FBXW10B: variants seen among roughly 807,000 people sequenced by gnomAD.
FBXW10B encodes F-box and WD repeat domain containing protein 10B.
the FBXW10B span, among the ~76,000 whole-genome samples, chr17:15,602,918 C>T: frequency 0.036 from 4,203 of 116,430 alleles, 681 homozygotes; most frequent in Non-Finnish European, 0.045. Context: ...TGAGCCACCG[C>T]GCCCGGCGAG....
the FBXW10B span, among the ~76,000 whole-genome samples, chr17:15,616,459 T>C: frequency 1.3e-5 from 2 of 151,762 alleles, no homozygotes; most frequent in African/African-American, 4.8e-5. Context: ...CGTGAGCCAC[T>C]GCGCCCAACC....
At chr17:15,613,785 G>A in the FBXW10B span, 4 of 1,612,134 alleles carry the variant, frequency 2.5e-6, no homozygotes, top group African/African-American at 1.3e-5. Flanking sequence ...CCAGAACTGG[G>A]CCAAGAGGGG....
At chr17:15,580,764 T>G in the FBXW10B span, among the ~76,000 whole-genome samples, 1 of 151,224 alleles carries the variant, frequency 6.6e-6, no homozygotes, top group Admixed American at 6.6e-5. Context: ...TAGACTAAAC[T>G]CTTGCTGTTT....
At chr17:15,593,365 C>G in the FBXW10B span, 4 of 1,614,048 alleles carry the variant, frequency 2.5e-6, no homozygotes, top group Non-Finnish European at 3.4e-6. Flanking sequence ...AAGGACAGCA[C>G]AGGATCGCCT....
chr17:15,619,112 G>A, the FBXW10B span: 11 of 1,613,790 alleles, frequency 6.8e-6, no homozygotes, highest in Admixed American at 3.3e-5. Context: ...AGTATAATTC[G>A]CCTTGGTCCA....
At chr17:15,602,540 C>T in the FBXW10B span, among the ~76,000 whole-genome samples, 8 of 143,944 alleles carry the variant, frequency 5.6e-5, no homozygotes, top group Non-Finnish European at 1.2e-4. Flanking sequence ...AGGGAAGAAT[C>T]ACAGAAATGA....
At chr17:15,600,382 C>A in the FBXW10B span, among the ~76,000 whole-genome samples, 3 of 147,232 alleles carry the variant, frequency 2.0e-5, no homozygotes, top group African/African-American at 5.1e-5. Flanking sequence ...TCAGAGCCTA[C>A]AATGCAGCCA....
the FBXW10B span, among the ~76,000 whole-genome samples, chr17:15,617,773 G>A: frequency 6.6e-6 from 1 of 152,194 alleles, no homozygotes; most frequent in African/African-American, 2.4e-5. Context: ...ACCAGAAAGA[G>A]ATGCTGGTGC....
chr17:15,574,327 A>G, the FBXW10B span: 1 of 497,742 alleles, frequency 2.0e-6, no homozygotes, highest in Non-Finnish European at 3.4e-6. Flanking sequence ...AATTCATCCT[A>G]AAACTTCCAG....
chr17:15,619,529 G>T, the FBXW10B span: 7 of 1,609,170 alleles, frequency 4.4e-6, no homozygotes, highest in Middle Eastern at 1.7e-4. Flanking sequence ...AAGATAACCA[G>T]TTCATTTTAG....
the FBXW10B span, among the ~76,000 whole-genome samples, chr17:15,580,250 T>C: frequency 6.6e-6 from 1 of 152,230 alleles, no homozygotes; most frequent in South Asian, 2.1e-4. Flanking sequence ...CACACATTTA[T>C]TCTGTGTTGT....
the FBXW10B span, chr17:15,618,900 A>C: frequency 3.9e-6 from 6 of 1,538,274 alleles, no homozygotes; most frequent in Non-Finnish European, 5.2e-6. Context: ...CATTCTGTGC[A>C]ATCTCTGTCT....
chr17:15,568,497 A>G, the FBXW10B span, among the ~76,000 whole-genome samples: 2 of 152,178 alleles, frequency 1.3e-5, no homozygotes, highest in Non-Finnish European at 2.9e-5. Flanking sequence ...AGTAAGAAAT[A>G]AGCCATTCTG....
the FBXW10B span, among the ~76,000 whole-genome samples, chr17:15,601,253 C>CA: frequency 1.4e-5 from 2 of 145,348 alleles, no homozygotes; most frequent in African/African-American, 2.5e-5. Context: ...ACTAAAAATA[C>CA]AAAAAATTAG....
chr17:15,597,128 C>A, the FBXW10B span, among the ~76,000 whole-genome samples: 21 of 151,846 alleles, frequency 1.4e-4, no homozygotes, highest in South Asian at 8.3e-4. Context: ...CTGACCCACA[C>A]CTTCTATCCC....
chr17:15,599,706 A>G, the FBXW10B span, among the ~76,000 whole-genome samples: 31,936 of 150,322 alleles, frequency 0.21, 3,772 homozygotes, highest in East Asian at 0.36. Flanking sequence ...CTGTTTTTTA[A>G]CAAGAACACT....
At chr17:15,595,025 G>C in the FBXW10B span, 6 of 1,326,344 alleles carry the variant, frequency 4.5e-6, no homozygotes, top group African/African-American at 8.8e-5. Flanking sequence ...AGGTACCTGA[G>C]CTAATCCTGC....
At chr17:15,593,492 C>G in the FBXW10B span, 1 of 1,614,206 alleles carries the variant, frequency 6.2e-7, no homozygotes, top group Non-Finnish European at 8.5e-7. Flanking sequence ...CGTCGAGCAC[C>G]TCTCTGGAAG....
the FBXW10B span, chr17:15,613,722 G>C: frequency 1.9e-6 from 3 of 1,612,526 alleles, no homozygotes; most frequent in African/African-American, 4.0e-5. Flanking sequence ...CACTTGTTCA[G>C]GGTGTGTCTA....
Sources: allele counts gnomAD v4.1 joint callset (sites outside exome capture counted in the v4.1 genomes callset), GRCh38; gene constraint gnomAD v4.1.1; transcripts MANE v1.5; gene names NCBI Gene and HGNC (gene_info 2026-07-23, HGNC 2026-07-21).